The following WDR91 variants were observed in gnomAD, a reference collection of about 807,000 sequenced individuals.
The protein encoded by WDR91 is WD repeat domain 91, also known as WD repeat-containing protein 91.
Under a neutral mutation model 88.4 loss-of-function variants are expected in WDR91, and 52 were observed. The ratio of observed to expected loss-of-function variants is 0.59; its 90% CI spans 0.47 to 0.74. WDR91 has a LOEUF of 0.74. Ranked by LOEUF, WDR91 falls within the 30% of genes least tolerant of loss-of-function variation. WDR91 has a pLI of 0.00. For synonymous variants in WDR91, 362 were observed against 389.5 expected (o/e 0.93, Z 0.83); for missense variants, 824 against 954.5 (o/e 0.86, Z 1.80).
chr7:135,208,971 A>T lies in WDR91; in HGVS notation c.331T>A (p.Phe111Ile), dbSNP rs1055855607. ...AGTTCCGTGGCCTGCTTTGCAAAGA[A>T]CTCCTGAGCCTTGTCATTTCTGTTT... Reference protein sequence around the residue: ...QTNRNDKAQEFFAKQATELQN... With the variant: ...QTNRNDKAQEIFAKQATELQN... The change falls in exon 3 of 15, where the codon TTC (phenylalanine) becomes ATC (isoleucine). Residue 111 changes from phenylalanine to isoleucine, a missense_variant. Physicochemically the swap from Phe to Ile is conservative, Grantham distance 21 (BLOSUM62 0). Transcript: ENST00000354475. 6.2e-7 allele frequency: 1 copy of T among 1,613,726 alleles called. No homozygotes were observed. The highest frequency in any genetic ancestry group is 1.3e-5 in the African/African-American group (1 of 74,906).
Position 135,195,017 on chromosome 7 carries a change from T to G in WDR91, c.1312A>C (p.Asn438His), listed in dbSNP as rs759580857. ...GATGCTTTGGTCTGCATGATGGGGT[T>G]GAAGGACCACACTTTGATGACCCCA... ...VDGVIKVWSFNPIMQTKASSI... is the reference protein window; with the variant it reads ...VDGVIKVWSFHPIMQTKASSI... The change falls in exon 9 of 15, where the codon AAC (asparagine) becomes CAC (histidine). Residue 438 changes from asparagine to histidine, a missense_variant. Asn to His is a moderately conservative substitution (Grantham distance 68). Coordinates refer to ENST00000354475, the MANE Select transcript of WDR91 (RefSeq NM_014149.4). 2 of 1,614,116 alleles carry G rather than the reference T, an allele frequency of 1.2e-6. No homozygotes were observed. The highest frequency in any genetic ancestry group is 1.7e-6 in the Non-Finnish European group (2 of 1,180,016).
intron 11 of WDR91, among the ~76,000 whole-genome samples, chr7:135,192,099 T>A (rs1010950551): frequency 7.1e-6 from 1 of 140,636 alleles, no homozygotes; most frequent in Non-Finnish European, 1.5e-5. Context: ...GAACCCCAAT[T>A]TCTGTTGTGT....
At chr7:135,204,229 C>A (rs751475956) in intron 6 of WDR91, 39 bp downstream of exon 6, 12 of 1,604,754 alleles carry the variant, frequency 7.5e-6, no homozygotes, top group Non-Finnish European at 9.4e-6. Flanking sequence ...CTGTCACGGC[C>A]TTCTTGGCCA....
chr7:135,194,062 G>A (rs1199869970), intron 9 of WDR91, among the ~76,000 whole-genome samples: 1 of 152,102 alleles, frequency 6.6e-6, no homozygotes, highest in Non-Finnish European at 1.5e-5. Context: ...CGCTTCGGCT[G>A]CCACAGGGCC....
chr7:135,207,399 C>T (rs752565973), intron 3 of WDR91, 197 bp from the exon 4 acceptor site: 4 of 586,998 alleles, frequency 6.8e-6, no homozygotes, highest in Admixed American at 1.9e-5. Context: ...GGTCTGGCCT[C>T]ATTTCATTCG....
chr7:135,206,947 G>C (rs918788452), intron 4 of WDR91, 173 bp downstream of exon 4: 2 of 345,042 alleles, frequency 5.8e-6, no homozygotes, highest in Non-Finnish European at 1.1e-5. Flanking sequence ...CTGGTTTTCA[G>C]AGACTGTTAC....
chr7:135,199,855 G>A (rs1022586342), intron 6 of WDR91: 11 of 152,332 alleles, frequency 7.2e-5, no homozygotes, highest in Admixed American at 2.6e-4. Context: ...TTGATGGAAG[G>A]AGGAGGCTTC....
chr7:135,201,671 A>G (rs1417602359), intron 6 of WDR91: 1 of 152,256 alleles, frequency 6.6e-6, no homozygotes, highest in Non-Finnish European at 1.5e-5. Flanking sequence ...ATTCTTTAAC[A>G]GTAAAAAAGA....
chr7:135,211,043 C>A, intron 1 of WDR91: 1 of 649,298 alleles, frequency 1.5e-6, no homozygotes, highest in South Asian at 1.8e-5. Flanking sequence ...ATATCTGTTG[C>A]CAAAACGCAA....
intron 11 of WDR91, among the ~76,000 whole-genome samples, chr7:135,192,149 A>C: frequency 7.5e-6 from 1 of 132,460 alleles, no homozygotes; most frequent in Non-Finnish European, 1.5e-5. Flanking sequence ...ACAGGGTCTC[A>C]CTCTGTCACC....
In WDR91 at chr7:135,186,307, G is replaced by A. The variant is rs61730881; in HGVS notation, c.2088C>T (p.Gly696=). 64 of 1,611,274 alleles carry A rather than the reference G, an allele frequency of 4.0e-5. 2 individuals are homozygous for A. The African/African-American group carries it at 4.0e-4, about 10-fold the overall frequency. ...ATGGVIYKLG[G]DEKVLESCLS... ...AGCAGCTCTCCAGAACCTTCTCATC[G>A]CCACCCAGCTGCAAGAGGACAGGAA... The change falls in exon 15 of 15, where the codon GGC becomes GGT. Residue 696 remains glycine (G), a synonymous_variant. Coordinates refer to ENST00000354475, the MANE Select transcript of WDR91 (RefSeq NM_014149.4).
intron 14 of WDR91, 120 bp from the exon 15 acceptor site, chr7:135,186,435 A>G: frequency 9.1e-7 from 1 of 1,102,676 alleles, no homozygotes; most frequent in Non-Finnish European, 1.3e-6. Flanking sequence ...CCACCTTTCC[A>G]GAAAGTCTGT....
rs111551921 is a variant in WDR91 at position 135,209,391 on chromosome 7, G to C, written c.303+185C>G. ...AAATAGGAATGGGGAAGACAAGTCA[G>C]ATGATCTACAGATGACGACAAGGAA... On this transcript the variant is annotated intron_variant, in intron 2 of 14. Coordinates refer to ENST00000354475, the MANE Select transcript of WDR91 (RefSeq NM_014149.4). 1,627 of 526,096 alleles carry C rather than the reference G, an allele frequency of 3.1e-3. 22 individuals carry two copies. Among genetic ancestry groups the C allele is most frequent in the African/African-American group, 0.03 (1,509 of 50,814 alleles). The allele number at this position is 526,096 out of a possible 1,614,324, so 32.6% of individuals were successfully genotyped here.
At position 135,196,093 on chromosome 7, in the gene WDR91, G is replaced by T; in HGVS notation, c.1244+51C>A. The T allele has an allele frequency of 6.9e-7, 1 of 1,455,468 alleles. No homozygotes were observed. Among genetic ancestry groups the T allele is most frequent in the Non-Finnish European group, 9.1e-7 (1 of 1,095,056 alleles). The allele number at this position is 1,455,468 out of a possible 1,614,324, so 90.2% of individuals were successfully genotyped here. ...TGCTGGCCACACCTCCACGTGTACT[G>T]CCTGAAAATCTGAGCTTCCCAGGGT... is the stretch of plus-strand genomic sequence containing the variant. On this transcript the variant is annotated intron_variant, in intron 8 of 14. Transcript: ENST00000354475. This position sits in a 1 kb window ranked among gnomAD's most constrained non-coding sequence, Gnocchi z 4.2.
At chr7:135,206,876 GTTAA>G (rs1831808924) in intron 4 of WDR91, 1 of 239,756 alleles carries the variant, frequency 4.2e-6, no homozygotes, top group South Asian at 6.5e-5. Context: ...CTCCTTAAAA[GTTAA>G]TTACTGTTAC....
At chr7:135,204,505 C>T (rs1023854466) in intron 5 of WDR91, 72 bp from the exon 6 acceptor site, 12 of 1,523,808 alleles carry the variant, frequency 7.9e-6, no homozygotes, top group South Asian at 6.0e-5. Context: ...ATAGACCTCC[C>T]GGGCTATGGA....
chr7:135,201,291 C>A (rs1331347406), intron 6 of WDR91, among the ~76,000 whole-genome samples: 1 of 151,464 alleles, frequency 6.6e-6, no homozygotes, highest in Non-Finnish European at 1.5e-5. Flanking sequence ...ATGTGCCCTC[C>A]CGGCTATTGT....
intron 13 of WDR91, 69 bp downstream of exon 13, chr7:135,188,364 T>A: frequency 7.4e-7 from 1 of 1,360,072 alleles, no homozygotes; most frequent in Non-Finnish European, 1.1e-6. Context: ...GTAACAGGTA[T>A]GGCCACAACC....
intron 9 of WDR91, among the ~76,000 whole-genome samples, chr7:135,194,729 C>T (rs942574978): frequency 6.6e-6 from 1 of 152,226 alleles, no homozygotes; most frequent in South Asian, 2.1e-4. Context: ...CCCTGCAGCT[C>T]ATTTCCATCT....
Sources: allele counts gnomAD v4.1 joint callset (sites outside exome capture counted in the v4.1 genomes callset), GRCh38; gene constraint gnomAD v4.1.1; non-coding constraint Gnocchi (gnomAD v3.1); transcripts MANE v1.5; gene names NCBI Gene and HGNC (gene_info 2026-07-23, HGNC 2026-07-21).